Variants in PHACTR1 observed in about 807,000 individuals in gnomAD.
PHACTR1 encodes the protein RPEL repeat containing 1.
Under a neutral mutation model 69.2 loss-of-function variants are expected in PHACTR1, and 16 were observed. The observed-to-expected ratio is 0.23, with a 90% CI of 0.16 to 0.35. The LOEUF (loss-of-function observed/expected upper bound fraction) is 0.35. PHACTR1 is among the 10% of genes least tolerant of loss of function. The pLI, the probability that PHACTR1 is intolerant of heterozygous loss-of-function variation, is 1.00. For missense variants in PHACTR1, 510 were observed against 734.7 expected, an observed-to-expected ratio of 0.69 and a Z score of 3.54; for synonymous variants, 312 against 284.5, an observed-to-expected ratio of 1.10 and a Z score of -0.97.
chr6:12,910,002 C>T (rs1215494810), intron 4 of PHACTR1, among the ~76,000 whole-genome samples: 2 of 152,232 alleles, frequency 1.3e-5, no homozygotes, highest in Non-Finnish European at 2.9e-5. Flanking sequence ...GCAGCCTTCG[C>T]CTGGTGGTGG....
chr6:12,924,795 T>A (rs202245698), intron 4 of PHACTR1, among the ~76,000 whole-genome samples: 5 of 150,278 alleles, frequency 3.3e-5, no homozygotes, highest in East Asian at 1.9e-4. Flanking sequence ...AAAAAAAAAA[T>A]TTAAACTATA....
At chr6:12,829,458 C>T (rs1467645115) in intron 4 of PHACTR1, among the ~76,000 whole-genome samples, 2 of 152,074 alleles carry the variant, frequency 1.3e-5, no homozygotes, top group African/African-American at 4.8e-5. Flanking sequence ...GATGAAAACT[C>T]GTTGGAAAGT....
chr6:13,252,414 G>A (rs1483324012), intron 10 of PHACTR1, among the ~76,000 whole-genome samples: 1 of 151,428 alleles, frequency 6.6e-6, no homozygotes, highest in East Asian at 1.9e-4. Flanking sequence ...ACTTCCATTT[G>A]ACTCTCCATT....
At chr6:13,153,107 A>G (rs924104594) in intron 5 of PHACTR1, among the ~76,000 whole-genome samples, 33 of 152,180 alleles carry the variant, frequency 2.2e-4, no homozygotes, top group African/African-American at 6.8e-4. Flanking sequence ...AAAGAATTCT[A>G]TTCACTCTCT....
At chr6:12,865,010 C>T (rs1223482612) in intron 4 of PHACTR1, among the ~76,000 whole-genome samples, 1 of 152,154 alleles carries the variant, frequency 6.6e-6, no homozygotes, top group African/African-American at 2.4e-5. Context: ...TGCTGGTTAG[C>T]ACTAGCCAAG....
chr6:13,281,239 A>C, intron 12 of PHACTR1: 6 of 788,398 alleles, frequency 7.6e-6, no homozygotes, highest in Non-Finnish European at 1.1e-5. Flanking sequence ...AACTTTTCTC[A>C]CATCATGGGT....
chr6:13,279,351 T>C (rs1779674464), intron 12 of PHACTR1: 1 of 152,220 alleles, frequency 6.6e-6, no homozygotes, highest in African/African-American at 2.4e-5. Context: ...TACTCCCTTC[T>C]GTCTGACGAA....
chr6:13,173,229 C>G (rs779179466), intron 6 of PHACTR1, among the ~76,000 whole-genome samples: 1 of 152,188 alleles, frequency 6.6e-6, no homozygotes, highest in Non-Finnish European at 1.5e-5. Flanking sequence ...AAAGTAATGA[C>G]AAAAATTGCA....
chr6:12,741,823 T>C (rs917412795), intron 3 of PHACTR1, among the ~76,000 whole-genome samples: 4 of 151,604 alleles, frequency 2.6e-5, no homozygotes, highest in African/African-American at 7.3e-5. Context: ...ATTGAACCCA[T>C]AGGTCAATTT....
At chr6:12,937,335 C>G (rs1467801176) in intron 4 of PHACTR1, among the ~76,000 whole-genome samples, 1 of 152,096 alleles carries the variant, frequency 6.6e-6, no homozygotes, top group Non-Finnish European at 1.5e-5. Context: ...ATTCAACACC[C>G]AACACATACT....
chr6:12,779,013 C>A (rs548621571), intron 4 of PHACTR1, among the ~76,000 whole-genome samples: 12 of 152,308 alleles, frequency 7.9e-5, no homozygotes, highest in Admixed American at 3.9e-4. Context: ...TCCTGCATAA[C>A]TGTACATGGA....
intron 5 of PHACTR1, among the ~76,000 whole-genome samples, chr6:13,146,224 A>T (rs2183072): frequency 6.6e-6 from 1 of 152,142 alleles, no homozygotes; most frequent in Non-Finnish European, 1.5e-5. Context: ...CACAGAGTGC[A>T]TGGTTCCTAA....
At chr6:12,830,229 A>G (rs1222280186) in intron 4 of PHACTR1, among the ~76,000 whole-genome samples, 2 of 152,106 alleles carry the variant, frequency 1.3e-5, no homozygotes, top group Admixed American at 1.3e-4. Context: ...ATTGAAAATG[A>G]ACTAAAAACT....
At chr6:13,089,100 C>T (rs1291773520) in intron 5 of PHACTR1, among the ~76,000 whole-genome samples, 1 of 152,200 alleles carries the variant, frequency 6.6e-6, no homozygotes, top group Non-Finnish European at 1.5e-5. Context: ...TACAGGTCCT[C>T]CACTAACAAG....
chr6:13,251,772 AG>A (rs879441403), intron 10 of PHACTR1, among the ~76,000 whole-genome samples: 9,345 of 152,134 alleles, frequency 0.061, 525 homozygotes, highest in African/African-American at 0.15. Context: ...CTGAAGAATT[AG>A]TGAAAAATCA....
intron 4 of PHACTR1, among the ~76,000 whole-genome samples, chr6:12,859,262 T>C (rs1780703207): frequency 6.6e-6 from 1 of 152,218 alleles, no homozygotes; most frequent in African/African-American, 2.4e-5. Flanking sequence ...TTTAATACCC[T>C]ACACATACTT....
intron 4 of PHACTR1, among the ~76,000 whole-genome samples, chr6:12,821,918 A>G (rs1426423597): frequency 6.6e-6 from 1 of 152,208 alleles, no homozygotes. Context: ...GTCTTTGTAC[A>G]TATTGTTCGG....
At chr6:13,269,356 A>AAAG (rs1777291177) in intron 10 of PHACTR1, among the ~76,000 whole-genome samples, 1 of 152,210 alleles carries the variant, frequency 6.6e-6, no homozygotes, top group South Asian at 2.1e-4. Context: ...CAGACCTCTG[A>AAAG]CACCGGCTCA....
chr6:12,939,556 C>G (rs1015661480), intron 4 of PHACTR1, among the ~76,000 whole-genome samples: 1 of 152,176 alleles, frequency 6.6e-6, no homozygotes, highest in Non-Finnish European at 1.5e-5. Flanking sequence ...TGACGCATAG[C>G]TCATACTAAT....
Sources: allele counts gnomAD v4.1 joint callset (sites outside exome capture counted in the v4.1 genomes callset), GRCh38; gene constraint gnomAD v4.1.1; transcripts MANE v1.5; gene names NCBI Gene and HGNC (gene_info 2026-07-23, HGNC 2026-07-21).